MIOS: variants seen among roughly 807,000 people sequenced by gnomAD.
The protein encoded by MIOS is meiosis regulator for oocyte development.
MIOS carries 52 observed loss-of-function variants against 96.9 expected under a neutral mutation model. The observed-to-expected ratio is 0.54, with a 90% CI of 0.43 to 0.68. The LOEUF is 0.68. Ranked by LOEUF, MIOS falls within the 30% of genes least tolerant of loss-of-function variation. The pLI, the probability that MIOS is intolerant of heterozygous loss-of-function variation, is 0.00. For synonymous variants in MIOS, 397 were observed against 359.5 expected, an observed-to-expected ratio of 1.10 and a Z score of -1.18; for missense variants, 1,005 against 1,052.8, an observed-to-expected ratio of 0.95 and a Z score of 0.63.
rs201621684 is a variant in MIOS at position 7,572,733 on chromosome 7, A to C, written c.258A>C (p.Arg86=). 1.9e-6 allele frequency: 3 copies of C among 1,614,164 alleles called. No individual in the cohort carries two copies. The African/African-American group carries it at 4.0e-5, about 22-fold the overall frequency. The change falls in exon 4 of 13, where the codon CGA becomes CGC. Residue 86 remains arginine (R), a synonymous_variant. Transcript: ENST00000340080. The surrounding 1 kb of genome is among the most constrained non-coding windows in gnomAD (Gnocchi z 4.8). ...TGGCAGTTGGACAAGCAAATGGTCG[A>C]GTTGTACTTACAAGCCTTGGTCAAG... ...CLLAVGQANG[R]VVLTSLGQDH... is the part of the protein sequence containing the mutation.
At chr7:7,584,260 C>T (rs904813991) in intron 6 of MIOS, among the ~76,000 whole-genome samples, 1 of 152,016 alleles carries the variant, frequency 6.6e-6, no homozygotes, top group Admixed American at 6.6e-5. Context: ...ACAAAAGTCT[C>T]CCTCATTTAA....
At chr7:7,583,971 A>C (rs1445548790) in intron 6 of MIOS, among the ~76,000 whole-genome samples, 1 of 152,168 alleles carries the variant, frequency 6.6e-6, no homozygotes. Flanking sequence ...CGGAAAAACA[A>C]ATCCTAATAC....
intron 9 of MIOS, among the ~76,000 whole-genome samples, chr7:7,590,590 C>T (rs921968818): frequency 2.0e-5 from 3 of 152,140 alleles, no homozygotes; most frequent in Non-Finnish European, 2.9e-5. Flanking sequence ...AGTCTACCAT[C>T]TTGCTGTTTG....
chr7:7,602,171 G>C (rs572704262), intron 11 of MIOS, among the ~76,000 whole-genome samples: 1 of 152,274 alleles, frequency 6.6e-6, no homozygotes, highest in East Asian at 1.9e-4. Context: ...CACAAGACAG[G>C]GATGCCCTCT....
chr7:7,571,949 T>C (rs1267947970), intron 3 of MIOS, among the ~76,000 whole-genome samples: 1 of 152,220 alleles, frequency 6.6e-6, no homozygotes, highest in Non-Finnish European at 1.5e-5. Flanking sequence ...TTTCTAGTGC[T>C]CAGTAGCTAC....
Position 7,573,383 on chromosome 7 carries a change from C to T in MIOS, c.908C>T (p.Thr303Ile). The change falls in exon 4 of 13, where the codon ACT becomes ATT. Residue 303 changes from threonine (T) to isoleucine (I), a missense_variant. By Grantham distance (89) the Thr-to-Ile change is moderately conservative. Around this residue, in one of 3 missense-constraint regions of MIOS, gnomAD observed 865 missense variants for 887.9 expected, o/e 0.97. Coordinates refer to ENST00000340080, the MANE Select transcript of MIOS (RefSeq NM_019005.4). This position sits in a 1 kb window ranked among gnomAD's most constrained non-coding sequence, Gnocchi z 5.0. ...IRLYDMQHTP[T>I]PIGDETEPTI... ...TTGTATGATATGCAGCATACACCCACTCCCATTGGGGATGAAACTGAACCC... is the reference window on the plus strand; with the variant it reads ...TTGTATGATATGCAGCATACACCCATTCCCATTGGGGATGAAACTGAACCC... The T allele has an allele frequency of 6.2e-7, 1 of 1,614,128 alleles. No individual in the cohort carries two copies. Among genetic ancestry groups the T allele is most frequent in the Non-Finnish European group, 8.5e-7 (1 of 1,179,968 alleles).
chr7:7,604,081 G>A (rs1583661995), intron 11 of MIOS, among the ~76,000 whole-genome samples: 1 of 151,624 alleles, frequency 6.6e-6, no homozygotes, highest in African/African-American at 2.4e-5. Context: ...CGGGGAAGGG[G>A]GAGGGATAGC....
chr7:7,598,031 A>C (rs1169692187), intron 11 of MIOS, among the ~76,000 whole-genome samples: 1 of 152,188 alleles, frequency 6.6e-6, no homozygotes. Flanking sequence ...TATGGGAAAA[A>C]ATTTTGAGAA....
At chr7:7,582,639 G>A in intron 5 of MIOS, 1 of 979,316 alleles carries the variant, frequency 1.0e-6, no homozygotes, top group Non-Finnish European at 1.2e-6. Context: ...GAGAAAGAAG[G>A]AAGAAAGCAA....
At chr7:7,591,499 C>T (rs1433660952) in intron 9 of MIOS, among the ~76,000 whole-genome samples, 1 of 151,902 alleles carries the variant, frequency 6.6e-6, no homozygotes, top group Non-Finnish European at 1.5e-5. Flanking sequence ...AGGCTGGTCT[C>T]AAACTCCTGA....
At chr7:7,584,042 A>G (rs1240853149) in intron 6 of MIOS, among the ~76,000 whole-genome samples, 2 of 152,152 alleles carry the variant, frequency 1.3e-5, no homozygotes, top group Non-Finnish European at 2.9e-5. Context: ...TAAAATATAT[A>G]TAGCTATTGG....
intron 5 of MIOS, among the ~76,000 whole-genome samples, chr7:7,575,385 G>A (rs1783496668): frequency 6.6e-6 from 1 of 152,020 alleles, no homozygotes; most frequent in Non-Finnish European, 1.5e-5. Flanking sequence ...TTACTGATCA[G>A]TTTGATTTTA....
At chr7:7,591,225 T>G (rs574597822) in intron 9 of MIOS, among the ~76,000 whole-genome samples, 12 of 152,202 alleles carry the variant, frequency 7.9e-5, no homozygotes, top group African/African-American at 2.9e-4. Flanking sequence ...TCTTCTGGCC[T>G]CTGTTGTTTC....
rs1783431398 is a variant in MIOS, at chr7:7,573,729, T to C, written c.1254T>C (p.Asn418=). The change falls in exon 4 of 13, where the codon AAT becomes AAC. Residue 418 remains asparagine, a synonymous_variant. Transcript: ENST00000340080. This position sits in a 1 kb window ranked among gnomAD's most constrained non-coding sequence, Gnocchi z 5.0. ...QVWRNHILAG[N]EDPQLKSLWY... ...GGAGGAACCACATTTTAGCTGGAAA[T>C]GAAGATCCACAGCTCAAGTCACTCT... 9.9e-6 allele frequency: 16 copies of C among 1,611,540 alleles called. No homozygotes were observed. The highest frequency in any genetic ancestry group is 1.3e-5 in the Non-Finnish European group (15 of 1,178,608).
chr7:7,587,081 G>A (rs1361863145), intron 7 of MIOS, among the ~76,000 whole-genome samples: 1 of 150,476 alleles, frequency 6.6e-6, no homozygotes, highest in Admixed American at 6.7e-5. Flanking sequence ...TGCAATGGCA[G>A]CTCACTGCAA....
Position 7,573,569 on chromosome 7 carries a change from C to CA in MIOS, c.1094_1095insA (p.Leu366PhefsTer11). ...TCTCTTGCCTGGAGCCCAATTACAT[C>CA]TTTAATGTGGGCTTGTGGTCGTCAT... is the stretch of plus-strand genomic sequence containing the variant. On this transcript the variant is annotated frameshift_variant, in exon 4 of 13. Transcript: ENST00000340080. LOFTEE classifies it high-confidence loss of function. The surrounding 1 kb of genome is among the most constrained non-coding windows in gnomAD (Gnocchi z 5.0). The CA allele has an allele frequency of 6.2e-7, 1 of 1,614,090 alleles. No homozygotes were observed. The highest frequency in any genetic ancestry group is 8.5e-7 in the Non-Finnish European group (1 of 1,179,948).
At chr7:7,586,003 A>T (rs543261086) in intron 7 of MIOS, among the ~76,000 whole-genome samples, 198 bp downstream of exon 7, 130 of 152,146 alleles carry the variant, frequency 8.5e-4, no homozygotes, top group African/African-American at 3.0e-3. Flanking sequence ...GTTAACTGAT[A>T]CCAAACTGGA....
intron 6 of MIOS, among the ~76,000 whole-genome samples, chr7:7,585,261 T>C (rs17168751): frequency 0.055 from 8,362 of 152,200 alleles, 264 homozygotes; most frequent in Non-Finnish European, 0.077. Flanking sequence ...GAATAACTTA[T>C]ATAAGACCCT....
chr7:7,599,969 T>C (rs1297254936), intron 11 of MIOS, among the ~76,000 whole-genome samples: 2 of 151,938 alleles, frequency 1.3e-5, no homozygotes, highest in South Asian at 2.1e-4. Context: ...GAGCTAAACA[T>C]TGAGAACATA....
Sources: gnomAD v4.1 joint callset for allele counts (sites outside exome capture counted in the v4.1 genomes callset) on GRCh38, gnomAD v4.1.1 for gene constraint, gnomAD v4.1.1 regional missense constraint, Gnocchi (gnomAD v3.1) non-coding constraint, MANE v1.5 for transcripts, NCBI Gene and HGNC (gene_info 2026-07-23, HGNC 2026-07-21) for gene names.